The following DCLK2 variants were observed in gnomAD, a reference collection of about 807,000 sequenced individuals.
DCLK2 encodes the protein serine/threonine-protein kinase DCLK2.
DCLK2 carries 31 observed loss-of-function variants against 78.4 expected under a neutral mutation model. The ratio of observed to expected loss-of-function variants is 0.40; its 90% CI spans 0.30 to 0.53. DCLK2 has a LOEUF of 0.53. DCLK2 is among the 20% of genes least tolerant of loss of function. The probability of loss-of-function intolerance (pLI) is 0.61; values close to 1 mark genes in which losing one functional copy is unlikely to be tolerated. For synonymous variants in DCLK2, 407 were observed against 374.9 expected (o/e 1.09, Z -0.99); for missense variants, 872 against 973.7 (o/e 0.90, Z 1.39).
chr4:150,183,859 A>G (rs1360793621), intron 2 of DCLK2, among the ~76,000 whole-genome samples: 1 of 151,604 alleles, frequency 6.6e-6, no homozygotes, highest in East Asian at 1.9e-4. Flanking sequence ...CAGCCCCCCA[A>G]GTAGCTGGGA....
At chr4:150,147,175 ATAGTCCCACC>A (rs1260068766) in intron 2 of DCLK2, among the ~76,000 whole-genome samples, 1 of 152,090 alleles carries the variant, frequency 6.6e-6, no homozygotes, top group Non-Finnish European at 1.5e-5. Context: ...TGCCATGCCT[ATAGTCCCACC>A]TACTTGGGAG....
At chr4:150,084,588 G>T (rs1485391343) in intron 1 of DCLK2, among the ~76,000 whole-genome samples, 1 of 152,184 alleles carries the variant, frequency 6.6e-6, no homozygotes, top group African/African-American at 2.4e-5. Context: ...ATCCTAAAAG[G>T]TTGGGGAAGG....
At chr4:150,080,117 C>CCCCG (rs1294055267) in intron 1 of DCLK2, among the ~76,000 whole-genome samples, 3 of 150,520 alleles carry the variant, frequency 2.0e-5, no homozygotes, top group South Asian at 2.1e-4. Context: ...AAAAGCCCCC[C>CCCCG]CCCCAGGTGA....
At chr4:150,154,847 AG>A (rs1256998439) in intron 2 of DCLK2, among the ~76,000 whole-genome samples, 6 of 152,242 alleles carry the variant, frequency 3.9e-5, no homozygotes, top group Admixed American at 3.9e-4. Context: ...ACAAGTGTAT[AG>A]TCATGTGACC....
intron 1 of DCLK2, among the ~76,000 whole-genome samples, chr4:150,082,061 T>G (rs1007942006): frequency 6.6e-6 from 1 of 152,006 alleles, no homozygotes; most frequent in African/African-American, 2.4e-5. Flanking sequence ...TGTCAATCAT[T>G]CCAGAATGTA....
chr4:150,232,754 A>C lies in DCLK2; in HGVS notation c.1492A>C (p.Asn498His). 1.2e-6 allele frequency: 2 copies of C among 1,614,108 alleles called. No individual in the cohort carries two copies. ...TERDGSAMVY[N>H]LANALRYLHG... ...GAGAGATGGCAGTGCCATGGTGTAC[A>C]ACTTAGCCAATGCCCTCAGGTATCT... Residue 498 changes from asparagine (N) to histidine (H), a missense_variant, in exon 10 of 16, where the codon AAC becomes CAC. Around this residue, in one of 3 missense-constraint regions of DCLK2, gnomAD observed 86 missense variants for 150.3 expected, o/e 0.57. Coordinates refer to ENST00000296550, the MANE Select transcript of DCLK2 (RefSeq NM_001040260.4).
intron 1 of DCLK2, among the ~76,000 whole-genome samples, chr4:150,081,389 T>G (rs1176546805): frequency 6.6e-6 from 1 of 152,232 alleles, no homozygotes; most frequent in Non-Finnish European, 1.5e-5. Flanking sequence ...AACTACAAAT[T>G]GACTTAACAA....
chr4:150,147,645 G>T (rs549524302), intron 2 of DCLK2, among the ~76,000 whole-genome samples: 6 of 143,208 alleles, frequency 4.2e-5, no homozygotes, highest in African/African-American at 1.6e-4. Context: ...GTCCCATTAT[G>T]TACAATTTGT....
intron 12 of DCLK2, among the ~76,000 whole-genome samples, chr4:150,244,238 T>A (rs981797970): frequency 3.3e-5 from 5 of 152,112 alleles, no homozygotes; most frequent in African/African-American, 1.2e-4. Flanking sequence ...CCTGAGCCAT[T>A]TCCCTCTAGT....
intron 2 of DCLK2, 148 bp from the exon 3 acceptor site, chr4:150,192,990 G>A (rs945943177): frequency 5.7e-6 from 3 of 525,262 alleles, no homozygotes; most frequent in South Asian, 3.2e-5. Context: ...CTTTGTGAAG[G>A]TAAAGTGCTT....
chr4:150,143,919 T>A (rs943341442), intron 2 of DCLK2, among the ~76,000 whole-genome samples: 8 of 152,140 alleles, frequency 5.3e-5, no homozygotes, highest in Non-Finnish European at 8.8e-5. Context: ...TGTTTTGAGT[T>A]CCTTATAGAT....
chr4:150,081,599 CTTTT>C (rs1164114776), intron 1 of DCLK2, among the ~76,000 whole-genome samples: 1 of 151,954 alleles, frequency 6.6e-6, no homozygotes, highest in African/African-American at 2.4e-5. Flanking sequence ...AACTTGGACA[CTTTT>C]TTTGTCATAT....
At chr4:150,137,518 A>G (rs540402123) in intron 2 of DCLK2, among the ~76,000 whole-genome samples, 24 of 152,290 alleles carry the variant, frequency 1.6e-4, no homozygotes, top group African/African-American at 4.3e-4. Flanking sequence ...GAATAGTGCA[A>G]TCTCTCATAG....
At chr4:150,221,313 CTTTG>C (rs1483583661) in intron 6 of DCLK2, among the ~76,000 whole-genome samples, 3 of 148,522 alleles carry the variant, frequency 2.0e-5, no homozygotes, top group African/African-American at 7.4e-5. Context: ...CTTCTCCTTT[CTTTG>C]TTTTTTTTTT....
chr4:150,227,863 A>G (rs1741731261), intron 8 of DCLK2, among the ~76,000 whole-genome samples: 1 of 152,192 alleles, frequency 6.6e-6, no homozygotes, highest in African/African-American at 2.4e-5. Flanking sequence ...GTGTATTTGG[A>G]AGTATTCGTT....
chr4:150,215,167 T>C (rs1050492660), intron 5 of DCLK2, among the ~76,000 whole-genome samples: 1 of 152,172 alleles, frequency 6.6e-6, no homozygotes, highest in African/African-American at 2.4e-5. Context: ...TATTCTGCTC[T>C]GACACCAAAA....
At chr4:150,103,427 G>A (rs901581455) in intron 2 of DCLK2, among the ~76,000 whole-genome samples, 3 of 152,086 alleles carry the variant, frequency 2.0e-5, no homozygotes, top group African/African-American at 7.2e-5. Context: ...AAAAAAGTTG[G>A]CATATTGCAA....
Position 150,203,890 on chromosome 4 carries a change from G to A in DCLK2, c.1056+1G>A. 1 of 1,605,176 alleles carries A rather than the reference G, an allele frequency of 6.2e-7. No individual in the cohort carries two copies. The highest frequency in any genetic ancestry group is 8.5e-7 in the Non-Finnish European group (1 of 1,172,106). On this transcript the variant is annotated splice_donor_variant, in intron 5 of 15. Transcript: ENST00000296550. LOFTEE classifies it high-confidence loss of function. ...TCCAGGAAGTTTCAGAGGATTAAAGGTATGAAATAGGATATGTGGCATATT... is the reference window on the plus strand; with the variant it reads ...TCCAGGAAGTTTCAGAGGATTAAAGATATGAAATAGGATATGTGGCATATT...
chr4:150,130,443 G>A (rs564393658), intron 2 of DCLK2, among the ~76,000 whole-genome samples: 4 of 152,048 alleles, frequency 2.6e-5, no homozygotes, highest in East Asian at 3.9e-4. Context: ...AGCCACACCC[G>A]TACCCACACA....
Sources: allele counts gnomAD v4.1 joint callset (sites outside exome capture counted in the v4.1 genomes callset), GRCh38; gene constraint gnomAD v4.1.1; regional missense constraint gnomAD v4.1.1; transcripts MANE v1.5; gene names NCBI Gene and HGNC (gene_info 2026-07-23, HGNC 2026-07-21).